The following ZNF385D variants were observed in gnomAD, a reference collection of about 807,000 sequenced individuals.
ZNF385D encodes zinc finger protein 659.
ZNF385D carries 15 observed loss-of-function variants against 35.8 expected under a neutral mutation model. The observed-to-expected ratio is 0.42, with a 90% CI of 0.28 to 0.64. The LOEUF is 0.64. Among genes scored for constraint, ZNF385D ranks in the 30% least tolerant of loss-of-function variants. ZNF385D has a pLI of 0.23. For missense variants in ZNF385D, 474 were observed against 494.6 expected, an observed-to-expected ratio of 0.96 and a Z score of 0.39; for synonymous variants, 212 against 186.8, an observed-to-expected ratio of 1.13 and a Z score of -1.10.
intron 3 of ZNF385D, among the ~76,000 whole-genome samples, chr3:21,548,131 C>A (rs1366310038): frequency 1.3e-5 from 2 of 152,086 alleles, no homozygotes; most frequent in Non-Finnish European, 2.9e-5. Context: ...TCTCTTTTCA[C>A]CCAATAAAAC....
At chr3:21,481,785 A>G (rs185304433) in intron 4 of ZNF385D, among the ~76,000 whole-genome samples, 113 of 152,202 alleles carry the variant, frequency 7.4e-4, no homozygotes, top group African/African-American at 2.7e-3. Flanking sequence ...TAGCTAGTAT[A>G]TTTGTCTTGG....
chr3:21,587,338 C>G (rs553132417), intron 2 of ZNF385D, among the ~76,000 whole-genome samples: 2 of 152,222 alleles, frequency 1.3e-5, no homozygotes, highest in East Asian at 3.9e-4. Flanking sequence ...CTGAAAAATA[C>G]AGGACATAAT....
intron 3 of ZNF385D, chr3:22,133,990 A>G (rs1703957431): frequency 6.6e-6 from 1 of 152,150 alleles, no homozygotes; most frequent in African/African-American, 2.4e-5. Context: ...AATGTTCTGT[A>G]AACTATAGAA....
chr3:21,815,287 GAGCAAACAGATTCAAA>G (rs1309796133), intron 3 of ZNF385D, among the ~76,000 whole-genome samples: 1 of 152,236 alleles, frequency 6.6e-6, no homozygotes, highest in East Asian at 1.9e-4. Context: ...AGAGAAGCAA[GAGCAAACAGATTCAAA>G]AGCTAGCAGA....
rs1355235606 is a variant in ZNF385D, at chr3:21,837,621, C to A, written c.326-172593G>T. Among the ~76,000 whole-genome samples, 3 of 152,048 alleles carry A rather than the reference C, an allele frequency of 2.0e-5. No individual in the cohort carries two copies. The East Asian group carries it at 5.8e-4, about 29-fold the overall frequency. ...AGGTGCAGTGGCTCACACCTGTAAT[C>A]TTGACACTTTGGGAGGCTGAGGCAG... On this transcript the variant is annotated intron_variant, in intron 3 of 5. Coordinates refer to the ZNF385D transcript ENST00000494108.
chr3:22,313,742 G>A (rs191338355), intron 2 of ZNF385D, among the ~76,000 whole-genome samples: 1 of 152,100 alleles, frequency 6.6e-6, no homozygotes, highest in Admixed American at 6.6e-5. Context: ...TACAGAAAGT[G>A]ATTTTAAAAA....
chr3:21,529,676 T>A (rs1258516484), intron 3 of ZNF385D, among the ~76,000 whole-genome samples: 1 of 152,140 alleles, frequency 6.6e-6, no homozygotes, highest in African/African-American at 2.4e-5. Context: ...TTCATTAAAA[T>A]CTTAACACAA....
At chr3:22,085,229 C>T (rs1227971611) in intron 3 of ZNF385D, among the ~76,000 whole-genome samples, 1 of 152,020 alleles carries the variant, frequency 6.6e-6, no homozygotes, top group South Asian at 2.1e-4. Flanking sequence ...GAATTAAGAT[C>T]AGAGCAGAAC....
At chr3:21,923,058 A>G (rs549815657) in intron 3 of ZNF385D, among the ~76,000 whole-genome samples, 40 of 152,250 alleles carry the variant, frequency 2.6e-4, no homozygotes, top group Middle Eastern at 3.4e-3. Flanking sequence ...TTATACTTTA[A>G]GTTTTAGGGT....
At chr3:21,593,803 C>G (rs2064051364) in intron 2 of ZNF385D, among the ~76,000 whole-genome samples, 1 of 150,866 alleles carries the variant, frequency 6.6e-6, no homozygotes, top group Non-Finnish European at 1.5e-5. Context: ...TAAGCTAGCC[C>G]TAAGAAACTG....
At chr3:22,296,165 G>T (rs1412405514) in intron 2 of ZNF385D, among the ~76,000 whole-genome samples, 1 of 152,144 alleles carries the variant, frequency 6.6e-6, no homozygotes, top group South Asian at 2.1e-4. Flanking sequence ...AACACTTTCT[G>T]TTTCAAGTTA....
intron 3 of ZNF385D, among the ~76,000 whole-genome samples, chr3:21,518,713 T>C (rs930878902): frequency 2.0e-5 from 3 of 152,194 alleles, no homozygotes; most frequent in Admixed American, 6.5e-5. Flanking sequence ...ACAGAAATCA[T>C]GTTGGTAAGC....
At chr3:21,822,262 C>G (rs886573045) in intron 3 of ZNF385D, among the ~76,000 whole-genome samples, 5 of 151,698 alleles carry the variant, frequency 3.3e-5, no homozygotes, top group Non-Finnish European at 1.5e-5. Flanking sequence ...ATAGTAGAGG[C>G]GGGGTTTCAC....
At chr3:22,150,304 A>G (rs7627634) in intron 3 of ZNF385D, among the ~76,000 whole-genome samples, 3,719 of 152,210 alleles carry the variant, frequency 0.024, 161 homozygotes, top group African/African-American at 0.085. Flanking sequence ...GATGGCTCCT[A>G]GGTTATATAT....
At chr3:21,972,239 A>T (rs1395815052) in intron 3 of ZNF385D, among the ~76,000 whole-genome samples, 1 of 152,064 alleles carries the variant, frequency 6.6e-6, no homozygotes, top group Non-Finnish European at 1.5e-5. Flanking sequence ...AAGAAATTGT[A>T]TCAAGTATCT....
chr3:21,474,699 T>G (rs958958320), intron 4 of ZNF385D, among the ~76,000 whole-genome samples: 2 of 152,136 alleles, frequency 1.3e-5, no homozygotes, highest in African/African-American at 4.8e-5. Context: ...TTTGGATACT[T>G]AAATATGTAT....
intron 2 of ZNF385D, among the ~76,000 whole-genome samples, chr3:22,169,957 G>A (rs756898266): frequency 6.6e-6 from 1 of 152,096 alleles, no homozygotes; most frequent in Non-Finnish European, 1.5e-5. Flanking sequence ...ACCAATTATT[G>A]TCCAGTAAGA....
chr3:22,121,618 G>A (rs1310388002), intron 3 of ZNF385D, among the ~76,000 whole-genome samples: 3 of 151,492 alleles, frequency 2.0e-5, no homozygotes, highest in Non-Finnish European at 4.4e-5. Flanking sequence ...CATACCTACT[G>A]GTCCTCATGT....
intron 3 of ZNF385D, among the ~76,000 whole-genome samples, chr3:21,770,194 A>G (rs2071016878): frequency 6.6e-6 from 1 of 152,196 alleles, no homozygotes; most frequent in African/African-American, 2.4e-5. Flanking sequence ...CTTCATGTCT[A>G]AAACACCAAA....
Sources: allele counts gnomAD v4.1 joint callset (sites outside exome capture counted in the v4.1 genomes callset), GRCh38; gene constraint gnomAD v4.1.1; transcripts MANE v1.5; gene names NCBI Gene and HGNC (gene_info 2026-07-23, HGNC 2026-07-21).